PATJ: variants seen among roughly 807,000 people sequenced by gnomAD.
PATJ encodes inaD-like protein.
Under a neutral mutation model 224.9 loss-of-function variants are expected in PATJ, and 190 were observed. That is an observed-to-expected ratio of 0.84 (90% CI 0.75 to 0.95). The LOEUF is 0.95. PATJ is among the 40% of genes least tolerant of loss of function. The pLI, the probability that PATJ is intolerant of heterozygous loss-of-function variation, is 0.00. For missense variants in PATJ, 2,121 were observed against 2,270.3 expected (o/e 0.93, Z 1.34); for synonymous variants, 769 against 820.3 (o/e 0.94, Z 1.07).
At chr1:61,959,433 TCTTTTC>T (rs1274599645) in intron 27 of PATJ, among the ~76,000 whole-genome samples, 4,121 of 32,190 alleles carry the variant, frequency 0.13, 211 homozygotes, top group African/African-American at 0.21. Context: ...ATATTTTTTT[TCTTTTC>T]TTTTTTTTTT....
At chr1:61,851,989 T>C (rs1570897668) in intron 17 of PATJ, among the ~76,000 whole-genome samples, 2 of 151,474 alleles carry the variant, frequency 1.3e-5, no homozygotes, top group African/African-American at 2.4e-5. Context: ...GCCTAGCCAA[T>C]ATGGCAAAAC....
chr1:61,996,035 A>C (rs1645333560), intron 28 of PATJ, among the ~76,000 whole-genome samples: 1 of 152,204 alleles, frequency 6.6e-6, no homozygotes, highest in South Asian at 2.1e-4. Context: ...TCTGCCTCCC[A>C]AGCCTTTTGA....
intron 23 of PATJ, among the ~76,000 whole-genome samples, chr1:61,900,094 C>T (rs1396377425): frequency 6.6e-6 from 1 of 152,104 alleles, no homozygotes; most frequent in Admixed American, 6.6e-5. Context: ...ACCCATCTTC[C>T]CTTGGATCTG....
At chr1:62,044,276 C>T (rs1271792964) in intron 30 of PATJ, among the ~76,000 whole-genome samples, 2 of 152,272 alleles carry the variant, frequency 1.3e-5, no homozygotes, top group East Asian at 3.9e-4. Flanking sequence ...AACCTTCACC[C>T]CATCCACCAG....
intron 27 of PATJ, among the ~76,000 whole-genome samples, chr1:61,957,989 A>C (rs1347421097): frequency 6.6e-6 from 1 of 152,244 alleles, no homozygotes; most frequent in Non-Finnish European, 1.5e-5. Flanking sequence ...CCTGGTGATT[A>C]AATGGCATAA....
At chr1:61,997,968 C>A (rs1645476931) in intron 28 of PATJ, among the ~76,000 whole-genome samples, 1 of 117,566 alleles carries the variant, frequency 8.5e-6, no homozygotes, top group Non-Finnish European at 1.7e-5. Flanking sequence ...TAGGTGCATG[C>A]CACTGTGCCC....
At chr1:61,899,491 C>A in intron 22 of PATJ, 92 bp from the exon 23 acceptor site, 2 of 719,588 alleles carry the variant, frequency 2.8e-6, no homozygotes, top group Non-Finnish European at 4.4e-6. Context: ...ATTTAACTAC[C>A]TATAGATTTT....
At chr1:62,052,831 G>A (rs936314612) in intron 31 of PATJ, among the ~76,000 whole-genome samples, 1 of 152,064 alleles carries the variant, frequency 6.6e-6, no homozygotes, top group Non-Finnish European at 1.5e-5. Context: ...GCACTACAGG[G>A]AAATGAGGAA....
At chr1:62,103,063 C>G (rs1359845827) in intron 33 of PATJ, among the ~76,000 whole-genome samples, 1 of 152,086 alleles carries the variant, frequency 6.6e-6, no homozygotes, top group African/African-American at 2.4e-5. Flanking sequence ...TTTTTGTTCA[C>G]TCTCTGTAAA....
intron 27 of PATJ, among the ~76,000 whole-genome samples, chr1:61,974,934 TTTTTGTTTTG>T (rs59299056): frequency 1.4e-4 from 21 of 151,988 alleles, no homozygotes; most frequent in Middle Eastern, 3.4e-3. Flanking sequence ...GTTGGTTGTT[TTTTTGTTTTG>T]TTTTGTTTTG....
At chr1:61,924,234 G>A (rs1674779101) in intron 26 of PATJ, among the ~76,000 whole-genome samples, 1 of 152,014 alleles carries the variant, frequency 6.6e-6, no homozygotes, top group Non-Finnish European at 1.5e-5. Context: ...CAGGTGTGGT[G>A]GTACGAGCTT....
rs559975282 is a variant in PATJ at position 61,945,403 on chromosome 1, C to CAA, written c.3670+17583_3670+17584dup. 3.5e-3 allele frequency among the ~76,000 whole-genome samples: 514 copies of CAA among 144,996 alleles called. 1 individual carries two copies. The highest frequency in any genetic ancestry group is 0.01 in the Admixed American group (153 of 14,632). ...GAAGATCTACCAAGCAAATGGAAAA[C>CAA]AAAAAAAAAAGCAGGGGTTGCAATC... is the stretch of plus-strand genomic sequence containing the variant. On this transcript the variant is annotated intron_variant, in intron 27 of 43. Transcript: ENST00000642238.
chr1:61,933,217 T>G lies in PATJ; in HGVS notation c.3670+5388T>G, dbSNP rs545171670. 7.2e-5 allele frequency among the ~76,000 whole-genome samples: 11 copies of G among 152,258 alleles called. No homozygotes were observed. The South Asian group carries it at 2.3e-3, about 32-fold the overall frequency. ...ATTTGTCAAAGGTATGTATTGATGGTGCAGGAACTTTTGACTTAACTTTGT... is the reference window on the plus strand; with the variant it reads ...ATTTGTCAAAGGTATGTATTGATGGGGCAGGAACTTTTGACTTAACTTTGT... On this transcript the variant is annotated intron_variant, in intron 27 of 43. Transcript: ENST00000642238.
chr1:62,028,917 A>G (rs1648592878), intron 29 of PATJ, among the ~76,000 whole-genome samples: 1 of 152,088 alleles, frequency 6.6e-6, no homozygotes, highest in African/African-American at 2.4e-5. Context: ...AGCTATGATC[A>G]TGCCACTGCA....
chr1:61,782,834 G>C (rs1310738420), intron 7 of PATJ, among the ~76,000 whole-genome samples: 1 of 152,172 alleles, frequency 6.6e-6, no homozygotes, highest in East Asian at 1.9e-4. Context: ...GTGTGACATT[G>C]ATAACAGGCA....
chr1:61,811,665 A>G (rs1417601791), intron 14 of PATJ, among the ~76,000 whole-genome samples: 1 of 149,370 alleles, frequency 6.7e-6, no homozygotes, highest in African/African-American at 2.5e-5. Flanking sequence ...CAGCTGCTAA[A>G]GCCCATCTAT....
intron 40 of PATJ, 150 bp from the exon 41 acceptor site, chr1:62,128,691 C>T (rs1045684877): frequency 3.2e-5 from 18 of 564,616 alleles, no homozygotes; most frequent in Non-Finnish European, 5.4e-5. Context: ...AAAAATTCCT[C>T]ATGCTTCTTG....
intron 29 of PATJ, among the ~76,000 whole-genome samples, chr1:62,033,247 A>G (rs1311354514): frequency 6.6e-6 from 1 of 152,230 alleles, no homozygotes; most frequent in Non-Finnish European, 1.5e-5. Context: ...AAAGAAATGT[A>G]TATATTCAAA....
intron 41 of PATJ, among the ~76,000 whole-genome samples, chr1:62,135,169 A>G (rs1179890254): frequency 1.3e-5 from 2 of 152,140 alleles, no homozygotes; most frequent in East Asian, 1.9e-4. Flanking sequence ...AGGTGATTCT[A>G]ATATGCAGCC....
Sources: gnomAD v4.1 joint callset for allele counts (sites outside exome capture counted in the v4.1 genomes callset) on GRCh38, gnomAD v4.1.1 for gene constraint, MANE v1.5 for transcripts, NCBI Gene and HGNC (gene_info 2026-07-23, HGNC 2026-07-21) for gene names.